The following RGL1 variants were observed in gnomAD, a reference collection of about 807,000 sequenced individuals.
The protein encoded by RGL1 is ral guanine nucleotide dissociation stimulator like 1.
Under a neutral mutation model 95.2 loss-of-function variants are expected in RGL1, and 24 were observed. The observed-to-expected ratio is 0.25, with a 90% CI of 0.18 to 0.35. The LOEUF (loss-of-function observed/expected upper bound fraction) is 0.35, where lower values mean the gene tolerates loss of function less well. Among genes scored for constraint, RGL1 ranks in the 10% least tolerant of loss-of-function variants. The pLI is 1.00. For missense variants in RGL1, 715 were observed against 936.3 expected, an observed-to-expected ratio of 0.76 and a Z score of 3.08; for synonymous variants, 329 against 344.9, an observed-to-expected ratio of 0.95 and a Z score of 0.51.
At chr1:183,796,101 C>A (rs61809169) in intron 2 of RGL1, among the ~76,000 whole-genome samples, 3 of 151,126 alleles carry the variant, frequency 2.0e-5, no homozygotes, top group African/African-American at 7.3e-5. Context: ...GTGCTAAAGG[C>A]ATGATGTCAA....
At position 183,711,482 on chromosome 1, in the gene RGL1, C is replaced by A. The variant is rs183241587; in HGVS notation, c.-32-30644C>A. On this transcript the variant is annotated intron_variant, in intron 1 of 18. Coordinates refer to the RGL1 transcript ENST00000304685. ...TAGGAGGTGTTGGGGGGTGAGGTGA[C>A]AGAGAAGCACTCTAGAGAGGAGTGA... Among the ~76,000 whole-genome samples the A allele has an allele frequency of 4.3e-3, 654 of 152,240 alleles. 1 individual carries two copies. The highest frequency in any genetic ancestry group is 7.7e-3 in the Non-Finnish European group (521 of 68,014).
chr1:183,686,479 G>A (rs1352552233), intron 1 of RGL1, among the ~76,000 whole-genome samples: 1 of 152,044 alleles, frequency 6.6e-6, no homozygotes. Context: ...ACCCTGATAG[G>A]AAATTTTGAT....
At chr1:183,822,428 T>C (rs943711942) in intron 2 of RGL1, among the ~76,000 whole-genome samples, 3 of 152,152 alleles carry the variant, frequency 2.0e-5, no homozygotes, top group Admixed American at 6.5e-5. Context: ...ATTTAGGAGT[T>C]ATTGAACCAA....
chr1:183,839,208 T>C (rs944620985), intron 2 of RGL1, among the ~76,000 whole-genome samples: 1 of 152,214 alleles, frequency 6.6e-6, no homozygotes, highest in African/African-American at 2.4e-5. Context: ...TTAATTGATG[T>C]AATTTCTACA....
chr1:183,723,593 T>G (rs375443402), intron 1 of RGL1, among the ~76,000 whole-genome samples: 1 of 152,300 alleles, frequency 6.6e-6, no homozygotes, highest in South Asian at 2.1e-4. Flanking sequence ...ACTCAGCCAG[T>G]GCACGTGGAG....
chr1:183,736,085 G>A lies in RGL1; in HGVS notation c.-32-6041G>A, dbSNP rs548586744. Among the ~76,000 whole-genome samples, 8 of 152,316 alleles carry A rather than the reference G, an allele frequency of 5.3e-5. No individual in the cohort carries two copies. In the South Asian group the frequency reaches 1.5e-3, roughly 28 times the overall value. On this transcript the variant is annotated intron_variant, in intron 1 of 18. Transcript: ENST00000304685. ...CACTTACAATAGACTACATGTCAGA[G>A]TTTTGGGTTATCTCTGAATAGTCAA...
At chr1:183,705,055 G>A (rs756466122) in intron 1 of RGL1, among the ~76,000 whole-genome samples, 22 of 152,164 alleles carry the variant, frequency 1.4e-4, no homozygotes, top group Non-Finnish European at 2.5e-4. Flanking sequence ...GGGCTGAGGC[G>A]AGAGCCTTCT....
Position 183,922,205 on chromosome 1 carries a change from G to A in RGL1, c.2005-17G>A, listed in dbSNP as rs766434538. ...GTGAAGCTAAGTACTTTACAAACCT[G>A]TTCATTGTCTTTGCAGTTGACGAGC... On this transcript the variant is annotated splice_polypyrimidine_tract_variant and intron_variant, in intron 16 of 17. Coordinates refer to ENST00000360851, the MANE Select transcript of RGL1 (RefSeq NM_001297671.3). The A allele has an allele frequency of 1.9e-6, 3 of 1,606,468 alleles. No individual in the cohort carries two copies. The highest frequency in any genetic ancestry group is 2.2e-5 in the South Asian group (2 of 90,932).
intron 1 of RGL1, among the ~76,000 whole-genome samples, chr1:183,706,251 A>AAAGTGGAGAGGTGGCTC (rs2102157708): frequency 6.6e-6 from 1 of 152,256 alleles, no homozygotes; most frequent in Non-Finnish European, 1.5e-5. Flanking sequence ...AGGGAGCAGA[A>AAAGTGGAGAGGTGGCTC]AAGTGGAGAG....
intron 2 of RGL1, among the ~76,000 whole-genome samples, chr1:183,779,163 CCTT>C (rs1179684763): frequency 1.1e-4 from 3 of 26,490 alleles, no homozygotes; most frequent in African/African-American, 2.3e-4. Flanking sequence ...ATTTTCCCTT[CCTT>C]CCTTCCTTCC....
At chr1:183,696,722 A>T (rs1654274692) in intron 1 of RGL1, among the ~76,000 whole-genome samples, 1 of 152,146 alleles carries the variant, frequency 6.6e-6, no homozygotes, top group Non-Finnish European at 1.5e-5. Context: ...TTCCCCCAAA[A>T]ACTGTTCCAC....
chr1:183,899,407 T>G (rs899507981), intron 10 of RGL1, among the ~76,000 whole-genome samples: 1 of 152,226 alleles, frequency 6.6e-6, no homozygotes, highest in African/African-American at 2.4e-5. Flanking sequence ...CTTGGTTGTC[T>G]TAAGGGGTCT....
rs531233308 is a variant in RGL1 at position 183,889,533 on chromosome 1, A to T, written c.1055+956A>T. On this transcript the variant is annotated intron_variant, in intron 8 of 17. Coordinates refer to ENST00000360851, the MANE Select transcript of RGL1 (RefSeq NM_001297671.3). ...AGTTTCATAAGTTTACTCAGAGTTGATCAAGCCCTAAGAGACTGGCATTGT... is the reference window on the plus strand; with the variant it reads ...AGTTTCATAAGTTTACTCAGAGTTGTTCAAGCCCTAAGAGACTGGCATTGT... Among the ~76,000 whole-genome samples the T allele has an allele frequency of 7.5e-4, 114 of 152,252 alleles. 1 individual carries two copies. Among genetic ancestry groups the T allele is most frequent in the African/African-American group, 2.6e-3 (108 of 41,544 alleles).
At chr1:183,804,898 C>T (rs547018046), upstream of RGL1, among the ~76,000 whole-genome samples, 1 of 152,366 alleles carries the variant, frequency 6.6e-6, no homozygotes, top group East Asian at 1.9e-4. Flanking sequence ...ACACTCAGTT[C>T]TATTTTGGCA....
At chr1:183,757,270 A>C (rs1658399986) in intron 2 of RGL1, among the ~76,000 whole-genome samples, 1 of 152,144 alleles carries the variant, frequency 6.6e-6, no homozygotes, top group Non-Finnish European at 1.5e-5. Context: ...TGGAGGAGGA[A>C]ATAGTAAGTG....
intron 2 of RGL1, among the ~76,000 whole-genome samples, chr1:183,794,380 A>G (rs1660593799): frequency 6.6e-6 from 1 of 152,218 alleles, no homozygotes; most frequent in Non-Finnish European, 1.5e-5. Flanking sequence ...CAGTAAGGTG[A>G]CTATAGTTAA....
intron 2 of RGL1, among the ~76,000 whole-genome samples, chr1:183,749,497 G>A (rs1023687212): frequency 1.3e-5 from 2 of 152,080 alleles, no homozygotes; most frequent in African/African-American, 2.4e-5. Flanking sequence ...ACACCTATAG[G>A]TCCTGACTCT....
At chr1:183,919,827 C>G (rs559068123) in intron 16 of RGL1, among the ~76,000 whole-genome samples, 68 of 152,248 alleles carry the variant, frequency 4.5e-4, no homozygotes. Context: ...CGTTCAGTAC[C>G]GCGCATTCAG....
chr1:183,718,468 T>G lies in RGL1; in HGVS notation c.-32-23658T>G, dbSNP rs917951897. 6.6e-4 allele frequency among the ~76,000 whole-genome samples: 101 copies of G among 152,212 alleles called. 1 individual carries two copies. The highest frequency in any genetic ancestry group is 2.3e-3 in the African/African-American group (95 of 41,530). On this transcript the variant is annotated intron_variant, in intron 1 of 18. Coordinates refer to the RGL1 transcript ENST00000304685. ...TTCATATCAACCTAAAATGAACAAG[T>G]GGTAAATAGTTTATTAAAATGTTTT...
Sources: allele counts gnomAD v4.1 joint callset (sites outside exome capture counted in the v4.1 genomes callset), GRCh38; gene constraint gnomAD v4.1.1; transcripts MANE v1.5; gene names NCBI Gene and HGNC (gene_info 2026-07-23, HGNC 2026-07-21).